Variants in CUL3 observed in about 807,000 individuals in gnomAD.
The protein encoded by CUL3 is cullin-3.
In CUL3, 19 loss-of-function variants were observed where a neutral mutation model predicts 89.1. The observed-to-expected ratio is 0.21, with a 90% confidence interval of 0.15 to 0.31. The LOEUF is 0.31. Among genes scored for constraint, CUL3 ranks in the 10% least tolerant of loss-of-function variants. CUL3 has a pLI of 1.00. For missense variants in CUL3, 469 were observed against 942.3 expected, an observed-to-expected ratio of 0.50 and a Z score of 6.58; for synonymous variants, 351 against 308.4, an observed-to-expected ratio of 1.14 and a Z score of -1.45.
At chr2:224,518,085 C>CT (rs1398923437) in intron 3 of CUL3, among the ~76,000 whole-genome samples, 1 of 152,108 alleles carries the variant, frequency 6.6e-6, no homozygotes, top group Non-Finnish European at 1.5e-5. Flanking sequence ...GAAAAGTAGC[C>CT]TAACAGTAGT....
chr2:224,559,952 T>C (rs187016343), intron 1 of CUL3, among the ~76,000 whole-genome samples: 1 of 152,180 alleles, frequency 6.6e-6, no homozygotes, highest in African/African-American at 2.4e-5. Flanking sequence ...CATGGTGGCA[T>C]GCACCTGTAG....
chr2:224,514,586 C>T, intron 4 of CUL3, 26 bp downstream of exon 4: 1 of 1,576,244 alleles, frequency 6.3e-7, no homozygotes, highest in Non-Finnish European at 8.6e-7. Context: ...AAACCAAAAC[C>T]ACAAGAGTAA....
At chr2:224,499,664 C>T in intron 11 of CUL3, 1 of 216,136 alleles carries the variant, frequency 4.6e-6, no homozygotes, top group Non-Finnish European at 9.9e-6. Flanking sequence ...CACTTATAAG[C>T]ACCCTGCAGG....
chr2:224,555,994 A>G (rs1422056256), intron 2 of CUL3, among the ~76,000 whole-genome samples: 2 of 152,174 alleles, frequency 1.3e-5, no homozygotes, highest in Non-Finnish European at 2.9e-5. Flanking sequence ...TATGACTGAA[A>G]GCTGTGCATA....
At position 224,482,056 on chromosome 2, in the gene CUL3, A is replaced by G. The variant is rs748414780; in HGVS notation, c.1865T>C (p.Ile622Thr). ...TFEEIQQETD[I>T]PERELVRALQ... ...GGCTCTAACAAGCTCTCTTTCAGGG[A>G]TATCTGTCTCTTGCTGAATTTCCTG... Residue 622 changes from isoleucine (I) to threonine (T), a missense_variant, in exon 14 of 16, where the codon ATC becomes ACC. By Grantham distance (89) the Ile-to-Thr change is moderately conservative. Around this residue, in one of 4 missense-constraint regions of CUL3, gnomAD observed 370 missense variants for 733.2 expected, o/e 0.50. Coordinates refer to ENST00000264414, the MANE Select transcript of CUL3 (RefSeq NM_003590.5). 3 of 1,599,222 alleles carry G rather than the reference A, an allele frequency of 1.9e-6. No homozygotes were observed. The highest frequency in any genetic ancestry group is 2.6e-6 in the Non-Finnish European group (3 of 1,174,950).
intron 3 of CUL3, among the ~76,000 whole-genome samples, chr2:224,530,838 C>T (rs1199911799): frequency 2.6e-5 from 4 of 152,036 alleles, no homozygotes; most frequent in Admixed American, 6.6e-5. Context: ...ACCCAGGAGG[C>T]GGAGGCTGCA....
At chr2:224,553,462 T>C (rs1694593104) in intron 2 of CUL3, among the ~76,000 whole-genome samples, 1 of 152,222 alleles carries the variant, frequency 6.6e-6, no homozygotes, top group African/African-American at 2.4e-5. Flanking sequence ...ATTTTAAAAT[T>C]TATTTAGTAC....
chr2:224,523,589 CACATCTTGAAGAGGTATTTGT>C (rs1693349368), intron 3 of CUL3, among the ~76,000 whole-genome samples: 1 of 152,174 alleles, frequency 6.6e-6, no homozygotes, highest in African/African-American at 2.4e-5. Context: ...GAAATGAAAG[CACATCTTGAAGAGGTATTTGT>C]ACATTCGTGT....
intron 13 of CUL3, among the ~76,000 whole-genome samples, chr2:224,482,794 G>C (rs1691581262): frequency 6.6e-6 from 1 of 152,118 alleles, no homozygotes; most frequent in East Asian, 1.9e-4. Context: ...CAAGGAAACT[G>C]TACAGTTATA....
chr2:224,474,619 A>G (rs1691250487), intron 15 of CUL3: 4 of 415,960 alleles, frequency 9.6e-6, no homozygotes, highest in Non-Finnish European at 1.7e-5. Flanking sequence ...ATTAGTTGGA[A>G]TTACAGTAGT....
chr2:224,527,075 G>A (rs987315825), intron 3 of CUL3, among the ~76,000 whole-genome samples: 1 of 152,064 alleles, frequency 6.6e-6, no homozygotes, highest in Non-Finnish European at 1.5e-5. Context: ...GTCAGTCATA[G>A]CTATAAAAAT....
rs1304435887 is a variant in CUL3 at position 224,541,114 on chromosome 2, A to G, written c.265-5473T>C. Among the ~76,000 whole-genome samples the G allele has an allele frequency of 2.0e-5, 3 of 152,128 alleles. No individual in the cohort carries two copies. The East Asian group carries it at 5.8e-4, about 29-fold the overall frequency. On this transcript the variant is annotated intron_variant, in intron 2 of 15. Transcript: ENST00000264414. Reference sequence around the variant, plus strand: ...TATAAAAGAAAAAATGCTAAACTGGACTCTACTGAAATTAAAAACTTTTGT... The same window carrying G: ...TATAAAAGAAAAAATGCTAAACTGGGCTCTACTGAAATTAAAAACTTTTGT...
At chr2:224,475,263 T>A (rs953136202) in intron 15 of CUL3, among the ~76,000 whole-genome samples, 5 of 152,182 alleles carry the variant, frequency 3.3e-5, no homozygotes, top group African/African-American at 1.2e-4. Flanking sequence ...GTGATCTGCC[T>A]GCCTCGGCCT....
intron 1 of CUL3, among the ~76,000 whole-genome samples, chr2:224,560,256 GTTTTTGT>G (rs1399362426): frequency 2.6e-5 from 4 of 151,544 alleles, no homozygotes; most frequent in Non-Finnish European, 5.9e-5. Flanking sequence ...GCCACACTCA[GTTTTTGT>G]TTTTTGTTTT....
At chr2:224,498,271 GAA>G (rs1416085754) in intron 11 of CUL3, among the ~76,000 whole-genome samples, 1 of 152,080 alleles carries the variant, frequency 6.6e-6, no homozygotes, top group Non-Finnish European at 1.5e-5. Flanking sequence ...ATTCCTCTGG[GAA>G]AAGTTTATGT....
At chr2:224,568,553 C>T (rs1404595997) in intron 1 of CUL3, among the ~76,000 whole-genome samples, 1 of 152,140 alleles carries the variant, frequency 6.6e-6, no homozygotes, top group Non-Finnish European at 1.5e-5. Flanking sequence ...TTACCCTCAG[C>T]AATTAATCTA....
chr2:224,509,644 T>G (rs938102974), intron 6 of CUL3, among the ~76,000 whole-genome samples: 1 of 152,264 alleles, frequency 6.6e-6, no homozygotes, highest in African/African-American at 2.4e-5. Flanking sequence ...ACGTAAGTGC[T>G]CGCCATGATA....
At chr2:224,545,106 C>T (rs1694248207) in intron 2 of CUL3, among the ~76,000 whole-genome samples, 2 of 152,090 alleles carry the variant, frequency 1.3e-5, no homozygotes, top group Admixed American at 6.6e-5. Context: ...ATACATATAG[C>T]AATCTTAAGA....
intron 10 of CUL3, 140 bp from the exon 11 acceptor site, chr2:224,500,627 C>CTT (rs11350781): frequency 0.012 from 4,794 of 394,772 alleles, 4 homozygotes; most frequent in South Asian, 0.026. Flanking sequence ...ATTTTCTTTT[C>CTT]TTTTTTTTTT....
Sources: allele counts gnomAD v4.1 joint callset (sites outside exome capture counted in the v4.1 genomes callset), GRCh38; gene constraint gnomAD v4.1.1; regional missense constraint gnomAD v4.1.1; transcripts MANE v1.5; gene names NCBI Gene and HGNC (gene_info 2026-07-23, HGNC 2026-07-21).